Variants in SLC23A2 observed in about 807,000 individuals in gnomAD.
SLC23A2 encodes the protein solute carrier family 23 member 2, also known as Na(+)/L-ascorbic acid transporter 2.
SLC23A2 carries 36 observed loss-of-function variants against 73.3 expected under a neutral mutation model. The ratio of observed to expected loss-of-function variants is 0.49; its 90% CI spans 0.38 to 0.65. The LOEUF (loss-of-function observed/expected upper bound fraction) is 0.65. Ranked by LOEUF, SLC23A2 falls within the 30% of genes least tolerant of loss-of-function variation. The pLI is 0.00. For missense variants in SLC23A2, 507 were observed against 841.6 expected, an observed-to-expected ratio of 0.60 and a Z score of 4.92; for synonymous variants, 343 against 327.3, an observed-to-expected ratio of 1.05 and a Z score of -0.52.
At chr20:4,994,878 G>A (rs568871813) in intron 1 of SLC23A2, among the ~76,000 whole-genome samples, 1 of 152,042 alleles carries the variant, frequency 6.6e-6, no homozygotes, top group East Asian at 1.9e-4. Flanking sequence ...AGGTTGCAGT[G>A]AGCCAAGATC....
rs907129591 is a variant in SLC23A2 at position 4,876,694 on chromosome 20, T to A, written c.825-1998A>T. Among the ~76,000 whole-genome samples the A allele has an allele frequency of 2.0e-5, 3 of 152,170 alleles. No individual in the cohort carries two copies. In the South Asian group the frequency reaches 6.2e-4, roughly 31 times the overall value. On this transcript the variant is annotated intron_variant, in intron 9 of 16. Transcript: ENST00000338244. ...AATACATACTAAATTGTACAAAAAATTTAAAAGACAGATAAGCAGAAAGAA... is the reference window on the plus strand; with the variant it reads ...AATACATACTAAATTGTACAAAAAAATTAAAAGACAGATAAGCAGAAAGAA...
rs67049228 is a variant in SLC23A2, at chr20:4,962,486, A to T, written c.-155+8307T>A. Among the ~76,000 whole-genome samples the T allele has an allele frequency of 5.9e-5, 9 of 152,352 alleles. No individual in the cohort carries two copies. The South Asian group carries it at 1.9e-3, about 32-fold the overall frequency. ...GAGCTAGGGAGGACAGGGTGTGTAG[A>T]CACACTCCCAGCTCAGGATCCCAAA... is the stretch of plus-strand genomic sequence containing the variant. On this transcript the variant is annotated intron_variant, in intron 2 of 16. Transcript: ENST00000338244.
At chr20:4,875,046 A>G (rs1930602063) in intron 9 of SLC23A2, among the ~76,000 whole-genome samples, 1 of 152,244 alleles carries the variant, frequency 6.6e-6, no homozygotes, top group African/African-American at 2.4e-5. Flanking sequence ...AAAGGATGCC[A>G]GATACAACAT....
chr20:4,912,832 G>T, intron 4 of SLC23A2, 48 bp downstream of exon 4: 2 of 1,190,246 alleles, frequency 1.7e-6, no homozygotes, highest in South Asian at 1.2e-5. Context: ...AGCACTTGTG[G>T]GAGGGGATGG....
chr20:4,879,214 C>G (rs1234176642), intron 9 of SLC23A2, among the ~76,000 whole-genome samples: 2 of 151,796 alleles, frequency 1.3e-5, no homozygotes, highest in Non-Finnish European at 2.9e-5. Flanking sequence ...TGAGACCAGT[C>G]TGGCCAACAT....
At chr20:5,000,138 AC>A (rs2088093483) in intron 1 of SLC23A2, among the ~76,000 whole-genome samples, 1 of 152,020 alleles carries the variant, frequency 6.6e-6, no homozygotes. Flanking sequence ...GCCAACCATA[AC>A]CCAGCACAGA....
In SLC23A2 at chr20:4,888,900, T is replaced by C. The variant is rs1371979405; in HGVS notation, c.483-2991A>G. Among the ~76,000 whole-genome samples the C allele has an allele frequency of 3.9e-5, 6 of 152,328 alleles. No homozygotes were observed. In the East Asian group the frequency reaches 1.2e-3, roughly 29 times the overall value. Reference sequence around the variant, plus strand: ...TGGAGATTTCTGCATCTCGTCCTGGTTAGCCAGATTCAGGGGTGGGTGGCA... The same window carrying C: ...TGGAGATTTCTGCATCTCGTCCTGGCTAGCCAGATTCAGGGGTGGGTGGCA... On this transcript the variant is annotated intron_variant, in intron 6 of 16. Coordinates refer to ENST00000338244, the MANE Select transcript of SLC23A2 (RefSeq NM_005116.6).
intron 2 of SLC23A2, among the ~76,000 whole-genome samples, chr20:4,970,399 A>C (rs1055057308): frequency 6.6e-6 from 1 of 152,170 alleles, no homozygotes; most frequent in Admixed American, 6.6e-5. Flanking sequence ...CAAGTACAAA[A>C]GGGTTCTAAT....
chr20:4,911,154 C>T (rs1932131763), intron 4 of SLC23A2, among the ~76,000 whole-genome samples: 1 of 152,298 alleles, frequency 6.6e-6, no homozygotes, highest in Non-Finnish European at 1.5e-5. Flanking sequence ...AGCTGCGGCC[C>T]GGCAGTGTGG....
chr20:4,863,215 G>A lies in SLC23A2; in HGVS notation c.1357-308C>T, dbSNP rs940466004. On this transcript the variant is annotated intron_variant, in intron 13 of 16. Transcript: ENST00000338244. The surrounding 1 kb of genome is among the most constrained non-coding windows in gnomAD (Gnocchi z 4.8). Reference sequence around the variant, plus strand: ...GCCCCTGCCTATCCCCTGGGTTCCCGGCACCACATGTCACCAAGGCAATTT... The same window carrying A: ...GCCCCTGCCTATCCCCTGGGTTCCCAGCACCACATGTCACCAAGGCAATTT... Among the ~76,000 whole-genome samples, 14 of 152,106 alleles carry A rather than the reference G, an allele frequency of 9.2e-5. No homozygotes were observed. Among genetic ancestry groups the A allele is most frequent in the Non-Finnish European group, 2.9e-5 (2 of 68,020 alleles).
chr20:4,874,629 T>C lies in SLC23A2; in HGVS notation c.892A>G (p.Lys298Glu). Residue 298 changes from lysine to glutamate, a missense_variant, in exon 10 of 17, where the codon AAA becomes GAA. By Grantham distance (56) the Lys-to-Glu change is moderately conservative (BLOSUM62 1). Coordinates refer to ENST00000338244, the MANE Select transcript of SLC23A2 (RefSeq NM_005116.6). ...RNVKFPLPIY[K>E]SKKGWTAYKL... Reference sequence around the variant, plus strand: ...TACGCAGTCCATCCTTTCTTGGATTTATAAATCGGGAGAGGAAATTTAACA... The same window carrying C: ...TACGCAGTCCATCCTTTCTTGGATTCATAAATCGGGAGAGGAAATTTAACA... 1.2e-6 allele frequency: 2 copies of C among 1,612,974 alleles called. No individual in the cohort carries two copies. The highest frequency in any genetic ancestry group is 1.7e-6 in the Non-Finnish European group (2 of 1,179,200).
chr20:4,929,558 A>C (rs887966081), intron 3 of SLC23A2, among the ~76,000 whole-genome samples: 3 of 152,232 alleles, frequency 2.0e-5, no homozygotes, highest in African/African-American at 7.2e-5. Context: ...AAATTCCTGG[A>C]AGATTCCAGA....
intron 11 of SLC23A2, among the ~76,000 whole-genome samples, chr20:4,871,881 T>C (rs1930462152): frequency 6.6e-6 from 1 of 152,220 alleles, no homozygotes; most frequent in African/African-American, 2.4e-5. Context: ...TTGTTATTGT[T>C]GTAGCATTCT....
At chr20:4,869,690 G>T in intron 12 of SLC23A2, 1 of 488,686 alleles carries the variant, frequency 2.0e-6, no homozygotes, top group Non-Finnish European at 3.6e-6. Context: ...TCCGTTCCAC[G>T]TCATGGACGA....
At chr20:4,953,476 GT>G (rs200509121) in intron 2 of SLC23A2, among the ~76,000 whole-genome samples, 19 of 151,386 alleles carry the variant, frequency 1.3e-4, no homozygotes, top group East Asian at 7.7e-4. Context: ...GAGAAACGAG[GT>G]TTTTTTTTAT....
chr20:4,866,516 A>G (rs919606112), intron 13 of SLC23A2, among the ~76,000 whole-genome samples: 2 of 152,204 alleles, frequency 1.3e-5, no homozygotes, highest in African/African-American at 4.8e-5. Context: ...AAGGACCTCC[A>G]GGATGGCGCT....
In SLC23A2 at chr20:4,872,669, A is replaced by G. The variant is rs774153190; in HGVS notation, c.1102+1267T>C. 2.5e-4 allele frequency among the ~76,000 whole-genome samples: 38 copies of G among 152,346 alleles called. 1 individual carries two copies. Among genetic ancestry groups the G allele is most frequent in the Non-Finnish European group, 4.9e-4 (33 of 68,034 alleles). On this transcript the variant is annotated intron_variant, in intron 11 of 16. Transcript: ENST00000338244. The surrounding 1 kb of genome is among the most constrained non-coding windows in gnomAD (Gnocchi z 4.4). ...TCTCAGACTACAGGTATGTTTATGA[A>G]CCATGCACATTCTTTCTTGGAAAAA... is the stretch of plus-strand genomic sequence containing the variant.
intron 1 of SLC23A2, among the ~76,000 whole-genome samples, chr20:4,971,864 C>A (rs1339030405): frequency 6.6e-6 from 1 of 152,096 alleles, no homozygotes; most frequent in Non-Finnish European, 1.5e-5. Flanking sequence ...TATTCCCTAG[C>A]ACAGGGTCTT....
chr20:4,911,226 T>C (rs1932135600), intron 4 of SLC23A2, among the ~76,000 whole-genome samples: 1 of 152,130 alleles, frequency 6.6e-6, no homozygotes, highest in Non-Finnish European at 1.5e-5. Context: ...TGCACTAACC[T>C]TTGGGGAGCA....
Sources: allele counts gnomAD v4.1 joint callset (sites outside exome capture counted in the v4.1 genomes callset), GRCh38; gene constraint gnomAD v4.1.1; non-coding constraint Gnocchi (gnomAD v3.1); transcripts MANE v1.5; gene names NCBI Gene and HGNC (gene_info 2026-07-23, HGNC 2026-07-21).